Variants in ELOVL7 observed in about 807,000 individuals in gnomAD.
The protein encoded by ELOVL7 is ELOVL fatty acid elongase 7.
In ELOVL7, 27 loss-of-function variants were observed where a neutral mutation model predicts 35.7. The ratio of observed to expected loss-of-function variants is 0.76; its 90% confidence interval spans 0.56 to 1.04. The LOEUF (loss-of-function observed/expected upper bound fraction) is 1.04. Among genes scored for constraint, ELOVL7 ranks in the 50% least tolerant of loss-of-function variants. The probability of loss-of-function intolerance (pLI) is 0.00; values close to 1 mark genes in which losing one functional copy is unlikely to be tolerated. For synonymous variants in ELOVL7, 113 were observed against 114.6 expected (o/e 0.99, Z 0.09); for missense variants, 327 against 340.8 (o/e 0.96, Z 0.32).
chr5:60,839,382 C>T (rs1248854340), intron 1 of ELOVL7, among the ~76,000 whole-genome samples: 4 of 152,092 alleles, frequency 2.6e-5, no homozygotes, highest in Non-Finnish European at 5.9e-5. Flanking sequence ...GGTATGCCAA[C>T]TTCTATCATT....
At chr5:60,817,844 GTGTGTA>G (rs1296730150) in intron 1 of ELOVL7, among the ~76,000 whole-genome samples, 73 of 141,672 alleles carry the variant, frequency 5.2e-4, no homozygotes, top group African/African-American at 1.8e-3. Flanking sequence ...GTGTGTGTGT[GTGTGTA>G]TATATATATA....
intron 1 of ELOVL7, among the ~76,000 whole-genome samples, chr5:60,818,319 GAAAAAAAA>G (rs60141189): frequency 2.1e-4 from 15 of 70,592 alleles, no homozygotes; most frequent in East Asian, 2.1e-3. Context: ...TTCCATCTCA[GAAAAAAAA>G]AAAAAAAAAA....
chr5:60,768,799 T>A, intron 4 of ELOVL7: 1 of 398,244 alleles, frequency 2.5e-6, no homozygotes, highest in South Asian at 1.8e-5. Context: ...ACATGCCAAA[T>A]ACCCCCTGGG....
chr5:60,796,334 A>T (rs941347451), intron 2 of ELOVL7, among the ~76,000 whole-genome samples: 21 of 152,308 alleles, frequency 1.4e-4, no homozygotes, highest in Non-Finnish European at 2.8e-4. Flanking sequence ...GGATGACTAT[A>T]AAGTAATTAT....
At chr5:60,808,245 T>C (rs978996090) in intron 1 of ELOVL7, among the ~76,000 whole-genome samples, 8 of 150,566 alleles carry the variant, frequency 5.3e-5, no homozygotes, top group East Asian at 1.9e-4. Flanking sequence ...AAAAGGGTAA[T>C]TGGTCTTTCT....
intron 3 of ELOVL7, among the ~76,000 whole-genome samples, chr5:60,780,382 A>G (rs1366995028): frequency 6.6e-6 from 1 of 151,860 alleles, no homozygotes; most frequent in Non-Finnish European, 1.5e-5. Context: ...GGCCTCCCAA[A>G]GTGCTGGGAT....
rs908295351 is a variant in ELOVL7, at chr5:60,754,938, G to C, written c.637-105C>G. 1.9e-5 allele frequency: 17 copies of C among 877,172 alleles called. No homozygotes were observed. In the South Asian group the frequency reaches 2.6e-4, roughly 13 times the overall value. 54.3% of individuals were successfully genotyped at this position (877,172 alleles called of 1,614,324 possible). A position where few individuals can be genotyped will look rare whatever the true frequency, so the allele number is the denominator to read the frequency against. On this transcript the variant is annotated intron_variant, in intron 8 of 8. Transcript: ENST00000508821. ...CCAAAGTGCAGGGAGTGCACTATTG[G>C]GCAAAGAAGTCCATCTTTAAATCTA... is the stretch of plus-strand genomic sequence containing the variant.
intron 1 of ELOVL7, among the ~76,000 whole-genome samples, chr5:60,827,024 AAC>A (rs1262218267): frequency 6.6e-6 from 1 of 152,222 alleles, no homozygotes; most frequent in Non-Finnish European, 1.5e-5. Context: ...GATTCAGAAC[AAC>A]AGAGGATCTT....
At chr5:60,764,169 G>GT in intron 7 of ELOVL7, 58 bp downstream of exon 7, 1 of 1,106,988 alleles carries the variant, frequency 9.0e-7, no homozygotes, top group South Asian at 1.4e-5. Context: ...AAAATATTTT[G>GT]TTTTTAGCAT....
intron 1 of ELOVL7, among the ~76,000 whole-genome samples, chr5:60,807,353 T>A (rs535947173): frequency 2.0e-5 from 3 of 152,072 alleles, no homozygotes; most frequent in East Asian, 1.9e-4. Context: ...TCACTTTCCA[T>A]GTCCTTGGGC....
intron 3 of ELOVL7, among the ~76,000 whole-genome samples, chr5:60,786,268 T>C (rs1743578294): frequency 6.6e-6 from 1 of 152,214 alleles, no homozygotes; most frequent in South Asian, 2.1e-4. Context: ...CTGATTCTTT[T>C]TTTTGAAATT....
At chr5:60,764,923 T>C (rs1742146284) in intron 6 of ELOVL7, among the ~76,000 whole-genome samples, 1 of 152,220 alleles carries the variant, frequency 6.6e-6, no homozygotes. Context: ...GAGTGAACGT[T>C]ATCCAGTGGT....
intron 1 of ELOVL7, among the ~76,000 whole-genome samples, chr5:60,810,019 A>T (rs1314275671): frequency 6.6e-6 from 1 of 152,238 alleles, no homozygotes; most frequent in Non-Finnish European, 1.5e-5. Context: ...GCTACAGGAA[A>T]AAATGACTAT....
intron 4 of ELOVL7, 145 bp from the exon 5 acceptor site, chr5:60,768,048 A>C: frequency 1.7e-6 from 1 of 581,558 alleles, no homozygotes. Context: ...CAAATACAAA[A>C]TGAACATGCT....
At chr5:60,787,222 G>A (rs1743653017) in intron 3 of ELOVL7, 112 bp downstream of exon 3, 2 of 819,036 alleles carry the variant, frequency 2.4e-6, no homozygotes, top group South Asian at 3.2e-5. Context: ...CTAGTAATAA[G>A]GGACTGTTAA....
intron 4 of ELOVL7, among the ~76,000 whole-genome samples, chr5:60,770,838 C>T (rs1358825680): frequency 3.9e-5 from 6 of 152,186 alleles, no homozygotes; most frequent in Admixed American, 6.5e-5. Context: ...GCTGGGACCA[C>T]GGGCGTGCAC....
At chr5:60,834,865 TATAA>T (rs541329953) in intron 1 of ELOVL7, among the ~76,000 whole-genome samples, 4 of 151,214 alleles carry the variant, frequency 2.6e-5, no homozygotes, top group Admixed American at 2.6e-4. Context: ...TAAAAAAATA[TATAA>T]ATAGGCATTA....
chr5:60,782,085 T>G (rs10068474), intron 3 of ELOVL7, among the ~76,000 whole-genome samples: 90,197 of 152,024 alleles, frequency 0.59, 27,949 homozygotes, highest in African/African-American at 0.75. Flanking sequence ...TTTTTAAATG[T>G]GCAAAGGACC....
intron 4 of ELOVL7, among the ~76,000 whole-genome samples, chr5:60,769,278 G>T (rs1319814614): frequency 6.6e-6 from 1 of 152,174 alleles, no homozygotes; most frequent in African/African-American, 2.4e-5. Flanking sequence ...ATATTCTCTT[G>T]TGCTCAGACT....
Sources: gnomAD v4.1 joint callset for allele counts (sites outside exome capture counted in the v4.1 genomes callset) on GRCh38, gnomAD v4.1.1 for gene constraint, MANE v1.5 for transcripts, NCBI Gene and HGNC (gene_info 2026-07-23, HGNC 2026-07-21) for gene names.